The following SH2D6 variants were observed in gnomAD, a reference collection of about 807,000 sequenced individuals.
SH2D6 encodes SH2 domain-containing protein 6.
Under a neutral mutation model 30.2 loss-of-function variants are expected in SH2D6, and 31 were observed. The observed-to-expected ratio is 1.03, with a 90% CI of 0.77 to 1.38. The LOEUF (loss-of-function observed/expected upper bound fraction) is 1.38, where lower values mean the gene tolerates loss of function less well. Ranked by LOEUF, SH2D6 falls within the 40% of genes most tolerant of loss-of-function variation. SH2D6 has a pLI of 0.00. For synonymous variants in SH2D6, 93 were observed against 104.6 expected, an observed-to-expected ratio of 0.89 and a Z score of 0.68; for missense variants, 240 against 266.8, an observed-to-expected ratio of 0.90 and a Z score of 0.70.
At chr2:85,423,995 T>C (rs986184249) in intron 5 of SH2D6, among the ~76,000 whole-genome samples, 21 of 152,258 alleles carry the variant, frequency 1.4e-4, no homozygotes, top group African/African-American at 4.6e-4. Flanking sequence ...CTTACCCTTG[T>C]GGGACCTTCT....
intron 2 of SH2D6, among the ~76,000 whole-genome samples, chr2:85,420,409 C>T (rs1277197720): frequency 3.3e-5 from 5 of 152,222 alleles, no homozygotes; most frequent in African/African-American, 7.2e-5. Context: ...CATGAGCCAC[C>T]GTGCCCGGAC....
At chr2:85,423,579 G>A (rs576232915) in intron 5 of SH2D6, among the ~76,000 whole-genome samples, 2 of 152,302 alleles carry the variant, frequency 1.3e-5, no homozygotes, top group South Asian at 4.1e-4. Flanking sequence ...GGGAGACAGA[G>A]GGATGGTCTC....
In SH2D6 at chr2:85,418,841, C is replaced by T. The variant is rs573468017; in HGVS notation, c.-882C>T. The T allele has an allele frequency of 1.4e-4, 22 of 152,502 alleles. No individual in the cohort carries two copies. Among genetic ancestry groups the T allele is most frequent in the African/African-American group, 5.3e-4 (22 of 41,560 alleles). 9.4% of individuals were successfully genotyped at this position (152,502 alleles called of 1,614,324 possible). A position where few individuals can be genotyped will look rare whatever the true frequency, so the allele number is the denominator to read the frequency against. On this transcript the variant is annotated 5_prime_UTR_variant, in exon 1 of 24. Coordinates refer to ENST00000469800, the MANE Select transcript of SH2D6 (RefSeq NM_001394463.1). ...CTTCTCTCCTCGCAAACCCAGCTCC[C>T]CACCCCTGCACGCGCCCCTCTGCCC...
intron 5 of SH2D6, among the ~76,000 whole-genome samples, chr2:85,424,371 T>C (rs1687883514): frequency 1.3e-5 from 2 of 152,084 alleles, no homozygotes; most frequent in Admixed American, 6.6e-5. Context: ...ATATTTGAAG[T>C]CCAGGTCACA....
chr2:85,434,708 A>T, intron 19 of SH2D6: 1 of 1,403,326 alleles, frequency 7.1e-7, no homozygotes, highest in Non-Finnish European at 9.4e-7. Context: ...CCAGCCCTGC[A>T]GGCCAGACTC....
At chr2:85,435,318 A>T in intron 20 of SH2D6, 95 bp from the exon 21 acceptor site, 1 of 1,394,602 alleles carries the variant, frequency 7.2e-7, no homozygotes, top group Non-Finnish European at 1.0e-6. Context: ...TGAGCATAGG[A>T]GATGGGAACA....
rs1687640979 is a variant in SH2D6 at position 85,418,726 on chromosome 2, C to T, written c.-997C>T. 1 of 152,308 alleles carries T rather than the reference C, an allele frequency of 6.6e-6. No individual in the cohort carries two copies. Among genetic ancestry groups the T allele is most frequent in the Non-Finnish European group, 1.5e-5 (1 of 68,104 alleles). 9.4% of individuals were successfully genotyped at this position (152,308 alleles called of 1,614,324 possible). On this transcript the variant is annotated 5_prime_UTR_variant, in exon 1 of 24. Transcript: ENST00000469800. ...CAGGCAGCGGGCCGTTGGGCGGGGC[C>T]TTGGGTGCTGATCCGGACGCAAAGA...
At chr2:85,435,594 G>C in intron 21 of SH2D6, 72 bp from the exon 22 acceptor site, 1 of 1,581,480 alleles carries the variant, frequency 6.3e-7, no homozygotes, top group Non-Finnish European at 8.6e-7. Flanking sequence ...GGAGGGTTCT[G>C]GCCCCATCAT....
chr2:85,424,856 A>G (rs1010529264), intron 5 of SH2D6, among the ~76,000 whole-genome samples: 1 of 152,162 alleles, frequency 6.6e-6, no homozygotes, highest in Non-Finnish European at 1.5e-5. Context: ...TCACAAGGTC[A>G]GGAGTTTGAG....
Position 85,426,118 on chromosome 2 carries a change from C to T in SH2D6, c.-209+711C>T, listed in dbSNP as rs76276171. Among the ~76,000 whole-genome samples, 688 of 152,304 alleles carry T rather than the reference C, an allele frequency of 4.5e-3. 6 individuals are homozygous for T. The highest frequency in any genetic ancestry group is 0.016 in the African/African-American group (663 of 41,578). On this transcript the variant is annotated intron_variant, in intron 6 of 23. Coordinates refer to ENST00000469800, the MANE Select transcript of SH2D6 (RefSeq NM_001394463.1). Reference sequence around the variant, plus strand: ...TCCTCCACGTGCTGCGCTCTCCCACCTCTGAGACCTCTGACCACAGCCTGC... The same window carrying T: ...TCCTCCACGTGCTGCGCTCTCCCACTTCTGAGACCTCTGACCACAGCCTGC...
At chr2:85,433,825 A>C (rs1267734404) in intron 16 of SH2D6, among the ~76,000 whole-genome samples, 194 bp downstream of exon 16, 5 of 152,226 alleles carry the variant, frequency 3.3e-5, no homozygotes, top group Non-Finnish European at 2.9e-5. Flanking sequence ...TGTGCCAGCA[A>C]GGGAGGTGCT....
rs543144230 is a variant in SH2D6, at chr2:85,432,465, T to A, written c.370+506T>A. On this transcript the variant is annotated intron_variant, in intron 14 of 23. Coordinates refer to ENST00000469800, the MANE Select transcript of SH2D6 (RefSeq NM_001394463.1). ...CCCAGGCTGGAGTGCAGTGGCGCAA[T>A]CTCGGCTCACTGCAGGCTCCGCCCC... Among the ~76,000 whole-genome samples, 781 of 151,758 alleles carry A rather than the reference T, an allele frequency of 5.1e-3. 8 individuals are homozygous for A. Among genetic ancestry groups the A allele is most frequent in the South Asian group, 8.1e-3 (39 of 4,806 alleles).
intron 19 of SH2D6, 189 bp from the exon 20 acceptor site, chr2:85,434,876 G>T (rs1689222313): frequency 6.5e-7 from 1 of 1,547,692 alleles, no homozygotes. Context: ...GTCACACGAG[G>T]CCTGGCTGGT....
intron 6 of SH2D6, among the ~76,000 whole-genome samples, chr2:85,426,260 A>G (rs1443223200): frequency 6.6e-6 from 1 of 152,176 alleles, no homozygotes; most frequent in East Asian, 1.9e-4. Context: ...GTCTGCTGGC[A>G]AAAATGACCT....
Position 85,433,140 on chromosome 2 carries a change from T to TC in SH2D6, c.393+21dup. On this transcript the variant is annotated intron_variant, in intron 15 of 23. Transcript: ENST00000469800. ...CAGAGTGGTGAGCAGCCCCTCCATT[T>TC]CCACCTCAGTTTCCAGGCTTCTGGT... 1.0e-6 allele frequency: 1 copy of TC among 985,802 alleles called. No individual in the cohort carries two copies. 61.1% of individuals were successfully genotyped at this position (985,802 alleles called of 1,614,324 possible).
At chr2:85,420,187 C>G (rs1335008554) in intron 2 of SH2D6, among the ~76,000 whole-genome samples, 1 of 152,168 alleles carries the variant, frequency 6.6e-6, no homozygotes, top group Non-Finnish European at 1.5e-5. Flanking sequence ...CCACTGCAAC[C>G]TCTGCCTCCC....
chr2:85,427,976 C>T (rs1469203982), intron 6 of SH2D6, among the ~76,000 whole-genome samples: 1 of 152,118 alleles, frequency 6.6e-6, no homozygotes, highest in Non-Finnish European at 1.5e-5. Context: ...TTTGTGCCAA[C>T]AGCCAGGATG....
chr2:85,434,860 T>C (rs1689218453), intron 19 of SH2D6: 2 of 1,514,492 alleles, frequency 1.3e-6, no homozygotes, highest in Admixed American at 2.2e-5. Flanking sequence ...CACGCCTCAT[T>C]TGGAGGTCAC....
intron 20 of SH2D6, 40 bp downstream of exon 20, chr2:85,435,163 G>C (rs200709271): frequency 6.3e-7 from 1 of 1,590,462 alleles, no homozygotes; most frequent in Admixed American, 1.7e-5. Context: ...GAGAGGTTCC[G>C]GGAGCAGAGC....
Sources: gnomAD v4.1 joint callset for allele counts (sites outside exome capture counted in the v4.1 genomes callset) on GRCh38, gnomAD v4.1.1 for gene constraint, MANE v1.5 for transcripts, NCBI Gene and HGNC (gene_info 2026-07-23, HGNC 2026-07-21) for gene names.